The following TMEM178B variants were observed in gnomAD, a reference collection of about 807,000 sequenced individuals.
The protein encoded by TMEM178B is transmembrane protein 178B.
A neutral mutation model predicts 31.0 loss-of-function variants in TMEM178B; 5 were observed. The observed-to-expected ratio is 0.16, with a 90% CI of 0.08 to 0.34. TMEM178B has a LOEUF of 0.34. Among genes scored for constraint, TMEM178B ranks in the 10% least tolerant of loss-of-function variants. The probability of loss-of-function intolerance (pLI) is 1.00; values close to 1 mark genes in which losing one functional copy is unlikely to be tolerated. For synonymous variants in TMEM178B, 164 were observed against 164.0 expected (o/e 1.00, Z 0.00); for missense variants, 275 against 400.3 (o/e 0.69, Z 2.67).
At chr7:141,501,847 GCTCT>G in the TMEM178B span, among the ~76,000 whole-genome samples, 187 of 148,398 alleles carry the variant, frequency 1.3e-3, 3 homozygotes, top group South Asian at 3.9e-3. Context: ...AGTCTCTCAT[GCTCT>G]CTCTCTCTCT....
intron 1 of TMEM178B, among the ~76,000 whole-genome samples, chr7:141,124,089 G>T (rs183921986): frequency 5.3e-5 from 8 of 152,290 alleles, no homozygotes; most frequent in Admixed American, 3.3e-4. Context: ...CAAACAGGCT[G>T]GGTGCGGTGG....
chr7:141,091,424 C>T (rs1279072223), intron 1 of TMEM178B, among the ~76,000 whole-genome samples: 3 of 152,154 alleles, frequency 2.0e-5, no homozygotes, highest in Admixed American at 6.5e-5. Context: ...CATTTCTTCT[C>T]CTTGGGTCAG....
chr7:141,191,983 T>C (rs1009343905), intron 1 of TMEM178B, among the ~76,000 whole-genome samples: 1 of 152,234 alleles, frequency 6.6e-6, no homozygotes, highest in Non-Finnish European at 1.5e-5. Context: ...ATTTGATCCA[T>C]TGGGAATTTA....
At chr7:141,462,487 G>A (rs1324064681) in intron 3 of TMEM178B, among the ~76,000 whole-genome samples, 1 of 151,922 alleles carries the variant, frequency 6.6e-6, no homozygotes. Flanking sequence ...AGAGAGGAGA[G>A]CTGGGAACTG....
intron 2 of TMEM178B, among the ~76,000 whole-genome samples, chr7:141,348,899 C>T (rs886342546): frequency 2.6e-5 from 4 of 152,108 alleles, no homozygotes; most frequent in Non-Finnish European, 2.9e-5. Context: ...GAGTGACTGG[C>T]GGAGCTCATG....
intron 2 of TMEM178B, among the ~76,000 whole-genome samples, chr7:141,417,278 G>GA (rs1047822729): frequency 1.3e-5 from 2 of 152,100 alleles, no homozygotes; most frequent in African/African-American, 2.4e-5. Flanking sequence ...ACACAAAGAA[G>GA]AAAAAAATGC....
At chr7:141,155,595 G>A (rs1043619656) in intron 1 of TMEM178B, among the ~76,000 whole-genome samples, 1 of 152,202 alleles carries the variant, frequency 6.6e-6, no homozygotes, top group Non-Finnish European at 1.5e-5. Context: ...CACGTCTGAT[G>A]GAAGGGGTAT....
intron 1 of TMEM178B, among the ~76,000 whole-genome samples, chr7:141,201,651 G>C (rs1272543710): frequency 6.6e-6 from 1 of 152,144 alleles, no homozygotes; most frequent in Non-Finnish European, 1.5e-5. Context: ...CTGGTAAGTG[G>C]CTTGTCCTGG....
intron 1 of TMEM178B, among the ~76,000 whole-genome samples, chr7:141,159,257 A>G (rs1012896819): frequency 2.0e-5 from 3 of 152,044 alleles, no homozygotes; most frequent in Non-Finnish European, 2.9e-5. Flanking sequence ...AATCTATCCT[A>G]TGTGTTACCA....
intron 3 of TMEM178B, among the ~76,000 whole-genome samples, chr7:141,460,005 C>T (rs1424608185): frequency 1.3e-5 from 2 of 151,590 alleles, no homozygotes; most frequent in Non-Finnish European, 2.9e-5. Context: ...GTGGCTATGT[C>T]AGATGCATGT....
chr7:141,088,275 T>TCCTC (rs1221552403), intron 1 of TMEM178B, among the ~76,000 whole-genome samples: 1 of 152,024 alleles, frequency 6.6e-6, no homozygotes, highest in East Asian at 1.9e-4. Context: ...TTTCTTTCCT[T>TCCTC]CCTCGTGTGC....
chr7:141,296,809 T>G (rs1586877336), intron 2 of TMEM178B, among the ~76,000 whole-genome samples: 1 of 152,218 alleles, frequency 6.6e-6, no homozygotes, highest in East Asian at 1.9e-4. Context: ...CCATCTCCTC[T>G]TTTATTCTCT....
downstream of TMEM178B, among the ~76,000 whole-genome samples, chr7:141,483,062 C>G (rs1231560079): frequency 6.6e-6 from 1 of 152,172 alleles, no homozygotes; most frequent in Non-Finnish European, 1.5e-5. Context: ...TTAGCATCAA[C>G]TATCTAGCAT....
intron 2 of TMEM178B, among the ~76,000 whole-genome samples, chr7:141,387,658 A>G (rs559433460): frequency 6.6e-6 from 1 of 152,272 alleles, no homozygotes; most frequent in African/African-American, 2.4e-5. Flanking sequence ...GGAAGCGCTC[A>G]GCCTTCTCGT....
At chr7:141,128,055 G>A (rs1055885035) in intron 1 of TMEM178B, among the ~76,000 whole-genome samples, 4 of 152,166 alleles carry the variant, frequency 2.6e-5, no homozygotes, top group African/African-American at 9.7e-5. Context: ...TATTGATAAG[G>A]TGATTGCATA....
intron 1 of TMEM178B, among the ~76,000 whole-genome samples, chr7:141,140,864 A>C (rs958000545): frequency 6.6e-6 from 1 of 152,200 alleles, no homozygotes; most frequent in Non-Finnish European, 1.5e-5. Context: ...TCAAGGGTGC[A>C]TGCTATCAAT....
At chr7:141,502,674 G>C in the TMEM178B span, among the ~76,000 whole-genome samples, 1 of 152,184 alleles carries the variant, frequency 6.6e-6, no homozygotes, top group East Asian at 1.9e-4. Context: ...GGAGGCTGAG[G>C]CAGGAAAATC....
At chr7:141,216,396 T>C (rs1472028789) in intron 2 of TMEM178B, among the ~76,000 whole-genome samples, 1 of 149,390 alleles carries the variant, frequency 6.7e-6, no homozygotes, top group Non-Finnish European at 1.5e-5. Context: ...ATAAACTCCA[T>C]AGGGAGTAAA....
At chr7:141,296,393 T>C (rs1041672137) in intron 2 of TMEM178B, among the ~76,000 whole-genome samples, 1 of 152,134 alleles carries the variant, frequency 6.6e-6, no homozygotes, top group Non-Finnish European at 1.5e-5. Flanking sequence ...CCACTGGTCT[T>C]CAGGGGCAAG....
Sources: allele counts gnomAD v4.1 joint callset (sites outside exome capture counted in the v4.1 genomes callset), GRCh38; gene constraint gnomAD v4.1.1; transcripts MANE v1.5; gene names NCBI Gene and HGNC (gene_info 2026-07-23, HGNC 2026-07-21).